The following CTNNBL1 variants were observed in gnomAD, a reference collection of about 807,000 sequenced individuals.
CTNNBL1 encodes the protein beta-catenin-like protein 1.
Under a neutral mutation model 72.7 loss-of-function variants are expected in CTNNBL1, and 31 were observed. That is an observed-to-expected ratio of 0.43 (90% CI 0.32 to 0.58). The LOEUF (loss-of-function observed/expected upper bound fraction) is 0.58, where lower values mean the gene tolerates loss of function less well. Ranked by LOEUF, CTNNBL1 falls within the 20% of genes least tolerant of loss-of-function variation. CTNNBL1 has a pLI of 0.08. For synonymous variants in CTNNBL1, 240 were observed against 267.3 expected (o/e 0.90, Z 1.00); for missense variants, 534 against 725.1 (o/e 0.74, Z 3.03).
intron 1 of CTNNBL1, among the ~76,000 whole-genome samples, chr20:37,708,966 G>A (rs1050570317): frequency 1.3e-5 from 2 of 152,100 alleles, no homozygotes; most frequent in African/African-American, 4.8e-5. Flanking sequence ...GTGAAACCCT[G>A]TCTCTACTGA....
chr20:37,724,019 G>A (rs1165252248), intron 1 of CTNNBL1, among the ~76,000 whole-genome samples: 1 of 152,192 alleles, frequency 6.6e-6, no homozygotes, highest in African/African-American at 2.4e-5. Flanking sequence ...TCTGGGTCAG[G>A]CCACTCACTA....
intron 1 of CTNNBL1, among the ~76,000 whole-genome samples, chr20:37,707,448 T>C (rs2072896251): frequency 1.3e-5 from 2 of 152,234 alleles, no homozygotes; most frequent in Non-Finnish European, 1.5e-5. Flanking sequence ...TGGAAGTGGC[T>C]TCTTTCCTTA....
intron 1 of CTNNBL1, among the ~76,000 whole-genome samples, chr20:37,723,436 A>G (rs1698012349): frequency 6.6e-6 from 1 of 152,132 alleles, no homozygotes; most frequent in South Asian, 2.1e-4. Context: ...TTTGTTTTTA[A>G]TTGGGAATAA....
At chr20:37,774,411 A>G (rs1196426169) in intron 7 of CTNNBL1, among the ~76,000 whole-genome samples, 1 of 152,166 alleles carries the variant, frequency 6.6e-6, no homozygotes, top group East Asian at 1.9e-4. Flanking sequence ...CTCAGCTGGC[A>G]CTGCTTTTAG....
At chr20:37,793,950 T>A (rs1417150737) in intron 10 of CTNNBL1, among the ~76,000 whole-genome samples, 1 of 151,622 alleles carries the variant, frequency 6.6e-6, no homozygotes, top group Non-Finnish European at 1.5e-5. Flanking sequence ...CCAGCTAATT[T>A]TTGTATTTTT....
rs117764249 is a variant in CTNNBL1 at position 37,744,166 on chromosome 20, G to C, written c.327-2302G>C. Among the ~76,000 whole-genome samples the C allele has an allele frequency of 4.6e-3, 696 of 152,252 alleles. 6 individuals carry two copies. The highest frequency in any genetic ancestry group is 0.017 in the Middle Eastern group (5 of 294). ...GAAGAAATACAAACAGTAAACATTA[G>C]AAGAATGTTAACCATCTTACTATCA... On this transcript the variant is annotated intron_variant, in intron 3 of 15. Transcript: ENST00000361383.
In CTNNBL1 at chr20:37,872,058, C is replaced by A; in HGVS notation, c.*45C>A. 2.7e-6 allele frequency: 4 copies of A among 1,495,568 alleles called. No homozygotes were observed. The highest frequency in any genetic ancestry group is 2.8e-6 in the Non-Finnish European group (3 of 1,072,302). 92.6% of individuals were successfully genotyped at this position (1,495,568 alleles called of 1,614,324 possible). ...ATCATGGACTCTCTCAGCTTCCCTC[C>A]CAGGATCAGTTTCTACACAACTCTG... On this transcript the variant is annotated 3_prime_UTR_variant, in exon 16 of 16. Coordinates refer to ENST00000361383, the MANE Select transcript of CTNNBL1 (RefSeq NM_030877.5).
Position 37,757,670 on chromosome 20 carries a change from C to T in CTNNBL1, c.564+14C>T. Reference sequence around the variant, plus strand: ...ATCGATGCTCTGGTAAGTTGCACATCCTCTGGGGTTTTGCAGGTTTGTATA... The same window carrying T: ...ATCGATGCTCTGGTAAGTTGCACATTCTCTGGGGTTTTGCAGGTTTGTATA... On this transcript the variant is annotated intron_variant, in intron 5 of 15. Transcript: ENST00000361383. The T allele has an allele frequency of 6.3e-7, 1 of 1,599,322 alleles. No individual in the cohort carries two copies. Among genetic ancestry groups the T allele is most frequent in the Non-Finnish European group, 8.6e-7 (1 of 1,167,494 alleles).
chr20:37,724,314 G>A (rs746861777), intron 1 of CTNNBL1, among the ~76,000 whole-genome samples: 3 of 151,988 alleles, frequency 2.0e-5, no homozygotes, highest in South Asian at 2.1e-4. Flanking sequence ...GTTTATTCTC[G>A]AAAAGGCATT....
chr20:37,792,396 A>C (rs1267898305), intron 10 of CTNNBL1, among the ~76,000 whole-genome samples: 1 of 151,670 alleles, frequency 6.6e-6, no homozygotes, highest in Non-Finnish European at 1.5e-5. Flanking sequence ...CTGACCTCTA[A>C]CTCCCGGACT....
At chr20:37,742,056 T>A (rs1271575076) in intron 3 of CTNNBL1, among the ~76,000 whole-genome samples, 1 of 152,176 alleles carries the variant, frequency 6.6e-6, no homozygotes, top group African/African-American at 2.4e-5. Context: ...AAGAAAGCTA[T>A]TCCATCATTT....
chr20:37,743,730 A>C (rs1271206748), intron 3 of CTNNBL1, among the ~76,000 whole-genome samples: 1 of 152,208 alleles, frequency 6.6e-6, no homozygotes, highest in Non-Finnish European at 1.5e-5. Context: ...ATCTCTGGGG[A>C]AAGATAGATT....
intron 15 of CTNNBL1, among the ~76,000 whole-genome samples, chr20:37,867,066 T>G (rs1183373206): frequency 6.6e-6 from 1 of 152,210 alleles, no homozygotes; most frequent in Non-Finnish European, 1.5e-5. Flanking sequence ...TTCATTTGAA[T>G]GGCATCCCTG....
At chr20:37,790,504 G>A (rs2069467382) in intron 10 of CTNNBL1, among the ~76,000 whole-genome samples, 1 of 152,168 alleles carries the variant, frequency 6.6e-6, no homozygotes, top group Admixed American at 6.5e-5. Flanking sequence ...CTAACAAGGA[G>A]CATTCTCTTT....
chr20:37,700,051 G>A (rs1038446502), intron 1 of CTNNBL1, among the ~76,000 whole-genome samples: 1 of 152,136 alleles, frequency 6.6e-6, no homozygotes, highest in South Asian at 2.1e-4. Context: ...TATTTAGACC[G>A]GGGCTCCAGA....
intron 10 of CTNNBL1, among the ~76,000 whole-genome samples, chr20:37,785,343 GA>G (rs986642864): frequency 1.3e-5 from 2 of 152,126 alleles, no homozygotes; most frequent in African/African-American, 4.8e-5. Flanking sequence ...TTATCCCTTG[GA>G]AAAGACTTTC....
At chr20:37,755,613 C>T (rs2073357119) in intron 4 of CTNNBL1, among the ~76,000 whole-genome samples, 2 of 152,168 alleles carry the variant, frequency 1.3e-5, no homozygotes, top group Admixed American at 1.3e-4. Context: ...TAAAGCAAAC[C>T]TTCAAGTAAT....
chr20:37,787,791 C>A (rs561167686), intron 10 of CTNNBL1, among the ~76,000 whole-genome samples: 1 of 151,914 alleles, frequency 6.6e-6, no homozygotes, highest in South Asian at 2.1e-4. Flanking sequence ...ATCTTTTTTT[C>A]ACTTCCATTA....
chr20:37,703,232 C>A (rs1250781786), intron 1 of CTNNBL1, among the ~76,000 whole-genome samples: 1 of 152,182 alleles, frequency 6.6e-6, no homozygotes, highest in Non-Finnish European at 1.5e-5. Flanking sequence ...AATTAACATT[C>A]GTGTAATACT....
Sources: gnomAD v4.1 joint callset for allele counts (sites outside exome capture counted in the v4.1 genomes callset) on GRCh38, gnomAD v4.1.1 for gene constraint, MANE v1.5 for transcripts, NCBI Gene and HGNC (gene_info 2026-07-23, HGNC 2026-07-21) for gene names.